CUBN: variants seen among roughly 807,000 people sequenced by gnomAD.
CUBN encodes 460 kDa receptor.
In CUBN, 282 loss-of-function variants were observed where a neutral mutation model predicts 405.3. The ratio of observed to expected loss-of-function variants is 0.70; its 90% confidence interval spans 0.63 to 0.77. The LOEUF (loss-of-function observed/expected upper bound fraction) is 0.77, where lower values mean the gene tolerates loss of function less well. CUBN is among the 30% of genes least tolerant of loss of function. The probability of loss-of-function intolerance (pLI) is 0.00; values close to 1 mark genes in which losing one functional copy is unlikely to be tolerated. For missense variants in CUBN, 4,514 were observed against 4,475.2 expected (o/e 1.01, Z -0.25); for synonymous variants, 1,684 against 1,617.0 (o/e 1.04, Z -0.99).
In CUBN at chr10:16,877,110, T is replaced by G. The variant is rs897903697; in HGVS notation, c.8906-13A>C. The G allele has an allele frequency of 6.2e-7, 1 of 1,609,714 alleles. No individual in the cohort carries two copies. Among genetic ancestry groups the G allele is most frequent in the Admixed American group, 1.7e-5 (1 of 59,418 alleles). ...ACAGCGGAACGAGCTGGAAAAGGCATGGAACAACCGCATTATGATCAGAAC... is the reference window on the plus strand; with the variant it reads ...ACAGCGGAACGAGCTGGAAAAGGCAGGGAACAACCGCATTATGATCAGAAC... On this transcript the variant is annotated splice_polypyrimidine_tract_variant and intron_variant, in intron 56 of 66. Coordinates refer to ENST00000377833, the MANE Select transcript of CUBN (RefSeq NM_001081.4).
rs886046870 is a variant in CUBN, at chr10:16,915,961, T to G, written c.7070A>C (p.Tyr2357Ser). The change falls in exon 46 of 67, where the codon TAC becomes TCC. Residue 2357 changes from tyrosine (Y) to serine (S), a missense_variant. Coordinates refer to ENST00000377833, the MANE Select transcript of CUBN (RefSeq NM_001081.4). Reference protein sequence around the residue: ...VESIGHPTLPYRDNLFCEWHL... With the variant: ...VESIGHPTLPSRDNLFCEWHL... Reference sequence around the variant, plus strand: ...CCACTCACAGAATAAGTTGTCTCTGTATGGAAGTGTTGGATGTCCAATGCT... The same window carrying G: ...CCACTCACAGAATAAGTTGTCTCTGGATGGAAGTGTTGGATGTCCAATGCT... The G allele has an allele frequency of 4.5e-5, 72 of 1,614,046 alleles. No homozygotes were observed. Among genetic ancestry groups the G allele is most frequent in the Non-Finnish European group, 6.1e-5 (72 of 1,180,028 alleles).
At chr10:16,876,345 A>G (rs1268213738) in intron 57 of CUBN, among the ~76,000 whole-genome samples, 1 of 152,222 alleles carries the variant, frequency 6.6e-6, no homozygotes, top group Non-Finnish European at 1.5e-5. Flanking sequence ...GCCTCTGTCC[A>G]GTCTATTGCT....
At chr10:16,899,572 A>G (rs114463055) in intron 53 of CUBN, among the ~76,000 whole-genome samples, 1,654 of 152,144 alleles carry the variant, frequency 0.011, 36 homozygotes, top group African/African-American at 0.038. Context: ...ATTACTCTAC[A>G]CTCCATTTGC....
At chr10:16,882,166 G>C (rs548666661) in intron 56 of CUBN, among the ~76,000 whole-genome samples, 1 of 152,226 alleles carries the variant, frequency 6.6e-6, no homozygotes, top group African/African-American at 2.4e-5. Context: ...GGCAGCATTC[G>C]ATCAGACATA....
Position 16,952,287 on chromosome 10 carries a change from G to C in CUBN, c.4958C>G (p.Ala1653Gly). Residue 1653 changes from alanine to glycine, a missense_variant, in exon 33 of 67, where the codon GCG becomes GGG. This residue lies in a region of CUBN where 1,613 missense variants were observed against 1,542.8 expected (regional missense o/e 1.05). Transcript: ENST00000377833. The stretch of plus-strand genomic sequence containing the variant: ...TTTTTGTTACTTACATGGAGGTTGC[G>C]CTTGAATGATCCAGCTGCAGTTCTG... ...NNQNCSWIIQAQPPLNHITLS... is the reference protein window; with the variant it reads ...NNQNCSWIIQGQPPLNHITLS... 6.2e-6 allele frequency: 10 copies of C among 1,611,574 alleles called. No individual in the cohort carries two copies. Among genetic ancestry groups the C allele is most frequent in the Non-Finnish European group, 8.5e-6 (10 of 1,177,878 alleles).
intron 31 of CUBN, among the ~76,000 whole-genome samples, chr10:16,977,510 C>T (rs188427333): frequency 8.5e-5 from 13 of 152,280 alleles, no homozygotes; most frequent in Admixed American, 8.5e-4. Flanking sequence ...ATCATCTTCC[C>T]TTTCCACCCC....
At chr10:16,831,781 C>T (rs1394789184) in intron 64 of CUBN, among the ~76,000 whole-genome samples, 2 of 152,050 alleles carry the variant, frequency 1.3e-5, no homozygotes, top group South Asian at 2.1e-4. Flanking sequence ...TGGAGATGGG[C>T]GGGGGCAATG....
chr10:16,978,666 A>G (rs1833170496), intron 31 of CUBN, among the ~76,000 whole-genome samples: 1 of 152,216 alleles, frequency 6.6e-6, no homozygotes, highest in Non-Finnish European at 1.5e-5. Flanking sequence ...AACTATCAGG[A>G]CACTAACATT....
intron 58 of CUBN, among the ~76,000 whole-genome samples, chr10:16,870,626 G>A (rs902942996): frequency 3.9e-5 from 6 of 152,232 alleles, no homozygotes; most frequent in Non-Finnish European, 8.8e-5. Context: ...TCCCACTGCA[G>A]TGATGATCAT....
intron 58 of CUBN, 60 bp from the exon 59 acceptor site, chr10:16,869,913 T>C: frequency 7.9e-7 from 1 of 1,270,304 alleles, no homozygotes; most frequent in South Asian, 1.2e-5. Flanking sequence ...AAATTGTAGC[T>C]TTAGCTCTTG....
At chr10:16,845,535 C>T (rs1839484245) in intron 60 of CUBN, among the ~76,000 whole-genome samples, 1 of 152,152 alleles carries the variant, frequency 6.6e-6, no homozygotes, top group African/African-American at 2.4e-5. Flanking sequence ...TTATACTAGT[C>T]CCAGATGTCT....
intron 27 of CUBN, among the ~76,000 whole-genome samples, chr10:17,037,479 T>A (rs1834925776): frequency 6.6e-6 from 1 of 152,188 alleles, no homozygotes; most frequent in South Asian, 2.1e-4. Flanking sequence ...TAGGCCAATA[T>A]CATGACTTAG....
chr10:16,937,810 C>T (rs1229711526), intron 38 of CUBN, 26 bp from the exon 39 acceptor site: 19 of 1,581,466 alleles, frequency 1.2e-5, no homozygotes, highest in Non-Finnish European at 1.6e-5. Flanking sequence ...GATAATAGAG[C>T]ATTGTATTAT....
intron 15 of CUBN, among the ~76,000 whole-genome samples, chr10:17,086,926 T>C (rs1836122939): frequency 6.6e-6 from 1 of 152,214 alleles, no homozygotes; most frequent in African/African-American, 2.4e-5. Flanking sequence ...AATTTTAACT[T>C]GATGGAATTT....
intron 27 of CUBN, among the ~76,000 whole-genome samples, chr10:17,031,493 GT>G (rs1334692017): frequency 2.6e-5 from 4 of 152,198 alleles, no homozygotes; most frequent in Non-Finnish European, 5.9e-5. Context: ...AAGTAGTGGA[GT>G]TTGGGTTTAA....
At chr10:16,869,975 G>C in intron 58 of CUBN, 122 bp from the exon 59 acceptor site, 2 of 739,110 alleles carry the variant, frequency 2.7e-6, no homozygotes, top group East Asian at 2.7e-5. Context: ...AAACTCACTT[G>C]ATATGAAATA....
At chr10:16,904,200 GAT>G (rs1401164436) in intron 50 of CUBN, 85 bp from the exon 51 acceptor site, 6 of 1,253,588 alleles carry the variant, frequency 4.8e-6, no homozygotes, top group Non-Finnish European at 7.0e-6. Context: ...CAAATTTCAA[GAT>G]ATTCATTGAC....
At chr10:17,055,659 A>T (rs1835376860) in intron 22 of CUBN, among the ~76,000 whole-genome samples, 1 of 152,114 alleles carries the variant, frequency 6.6e-6, no homozygotes, top group African/African-American at 2.4e-5. Context: ...TAGCATATAT[A>T]ATATGGCATG....
chr10:17,121,262 A>G (rs957500246), intron 6 of CUBN, among the ~76,000 whole-genome samples: 1 of 152,248 alleles, frequency 6.6e-6, no homozygotes, highest in Non-Finnish European at 1.5e-5. Context: ...TTTAAAGATC[A>G]GATCAAAAAA....
Sources: gnomAD v4.1 joint callset for allele counts (sites outside exome capture counted in the v4.1 genomes callset) on GRCh38, gnomAD v4.1.1 for gene constraint, gnomAD v4.1.1 regional missense constraint, MANE v1.5 for transcripts, NCBI Gene and HGNC (gene_info 2026-07-23, HGNC 2026-07-21) for gene names.